ARHGEF28: variants seen among roughly 807,000 people sequenced by gnomAD.
The protein encoded by ARHGEF28 is 190 kDa guanine nucleotide exchange factor.
ARHGEF28 carries 152 observed loss-of-function variants against 206.6 expected under a neutral mutation model. The observed-to-expected ratio is 0.74, with a 90% CI of 0.64 to 0.84. The LOEUF is 0.84. ARHGEF28 is among the 40% of genes least tolerant of loss of function. ARHGEF28 has a pLI of 0.00. For synonymous variants in ARHGEF28, 763 were observed against 776.4 expected, an observed-to-expected ratio of 0.98 and a Z score of 0.29; for missense variants, 2,028 against 2,073.2, an observed-to-expected ratio of 0.98 and a Z score of 0.42.
intron 33 of ARHGEF28, 99 bp downstream of exon 33, chr5:73,904,504 T>G: frequency 7.8e-7 from 1 of 1,274,398 alleles, no homozygotes. Flanking sequence ...AAGTGAGAGG[T>G]AGGGAATGAT....
At chr5:73,681,676 A>T (rs1046412568) in intron 1 of ARHGEF28, among the ~76,000 whole-genome samples, 4 of 152,024 alleles carry the variant, frequency 2.6e-5, no homozygotes, top group Non-Finnish European at 5.9e-5. Flanking sequence ...TTAGCTGGGC[A>T]TGGTGGTGCA....
intron 18 of ARHGEF28, among the ~76,000 whole-genome samples, chr5:73,867,388 T>C (rs2112631343): frequency 6.6e-6 from 1 of 152,362 alleles, no homozygotes; most frequent in African/African-American, 2.4e-5. Context: ...CCAGCTTGGC[T>C]TGCAGGCTTC....
In ARHGEF28 at chr5:73,858,149, A is replaced by T. The variant is rs781531037; in HGVS notation, c.1977A>T (p.Thr659=). Residue 659 remains threonine (T), a synonymous_variant, in exon 16 of 36, where the codon ACA becomes ACT. Coordinates refer to ENST00000513042, the MANE Select transcript of ARHGEF28 (RefSeq NM_001177693.2). ...KLNRHQFAPG[T]FSGVLQCLVC... ...ATCGACATCAGTTTGCCCCAGGAAC[A>T]TTCTCTGGGGTTCTGCAGTGTTTGG... is the stretch of plus-strand genomic sequence containing the variant. 1.2e-6 allele frequency: 2 copies of T among 1,612,504 alleles called. No homozygotes were observed. Among genetic ancestry groups the T allele is most frequent in the South Asian group, 1.1e-5 (1 of 90,778 alleles).
rs1342463697 is a variant in ARHGEF28, at chr5:73,864,864, T to C, written c.2095T>C (p.Cys699Arg). 4 of 1,613,276 alleles carry C rather than the reference T, an allele frequency of 2.5e-6. No individual in the cohort carries two copies. The highest frequency in any genetic ancestry group is 1.1e-5 in the South Asian group (1 of 90,986). Residue 699 changes from cysteine (C) to arginine (R), a missense_variant, in exon 17 of 36, where the codon TGC (cysteine) becomes CGC (arginine). Around this residue, in one of 3 missense-constraint regions of ARHGEF28, gnomAD observed 1,002 missense variants for 1,015.3 expected, o/e 0.99. Coordinates refer to ENST00000513042, the MANE Select transcript of ARHGEF28 (RefSeq NM_001177693.2). ...AGGTTGTAAAGATGCTGCGCCTGCATGCACCAAGGTAATTGCTCAGTGATC... is the reference window on the plus strand; with the variant it reads ...AGGTTGTAAAGATGCTGCGCCTGCACGCACCAAGGTAATTGCTCAGTGATC... ...HKGCKDAAPACTKKFQEKYNK... is the reference protein window; with the variant it reads ...HKGCKDAAPARTKKFQEKYNK...
intron 2 of ARHGEF28, among the ~76,000 whole-genome samples, chr5:73,713,642 T>G (rs1561351626): frequency 6.6e-6 from 1 of 152,164 alleles, no homozygotes. Flanking sequence ...AGAAACATGT[T>G]TTTTTGGTGG....
At position 73,740,431 on chromosome 5, in the gene ARHGEF28, T is replaced by C. The variant is rs904455295; in HGVS notation, c.34-9406T>C. 2.0e-5 allele frequency among the ~76,000 whole-genome samples: 3 copies of C among 152,196 alleles called. No individual in the cohort carries two copies. In the East Asian group the frequency reaches 5.8e-4, roughly 29 times the overall value. On this transcript the variant is annotated intron_variant, in intron 2 of 35. Coordinates refer to ENST00000513042, the MANE Select transcript of ARHGEF28 (RefSeq NM_001177693.2). ...ACACACCATCTCTTAGTAGTGCTTG[T>C]TCCTCCTAAGCTGAAGCAATCCTTG...
intron 9 of ARHGEF28, among the ~76,000 whole-genome samples, chr5:73,817,435 T>C (rs1442178452): frequency 1.3e-5 from 2 of 152,224 alleles, no homozygotes; most frequent in Non-Finnish European, 2.9e-5. Flanking sequence ...TTTACATCTA[T>C]GATATCTGAG....
At position 73,857,726 on chromosome 5, in the gene ARHGEF28, C is replaced by T. The variant is rs747747644; in HGVS notation, c.1861C>T (p.Arg621Ter). ...KSESEKYKVS[R>*]TFSFLMNRMT... ...AGAGTCTGAAAAATATAAAGTGAGT[C>T]GAACTTTCAGTTTCCTCATGAATAG... The change falls in exon 15 of 36, where the codon CGA becomes TGA. Residue 621 changes from arginine (R) to a stop codon, truncating the protein, a stop_gained. Coordinates refer to ENST00000513042, the MANE Select transcript of ARHGEF28 (RefSeq NM_001177693.2). LOFTEE classifies it high-confidence loss of function. The T allele has an allele frequency of 5.0e-6, 8 of 1,612,408 alleles. No individual in the cohort carries two copies. The highest frequency in any genetic ancestry group is 2.7e-5 in the African/African-American group (2 of 74,964).
intron 9 of ARHGEF28, among the ~76,000 whole-genome samples, chr5:73,806,777 G>A (rs2931446): frequency 0.58 from 56,724 of 97,958 alleles, 18,921 homozygotes; most frequent in East Asian, 0.68. Flanking sequence ...ATCTATATGT[G>A]CCATATATAT....
At position 73,742,364 on chromosome 5, in the gene ARHGEF28, T is replaced by C. The variant is rs116929150; in HGVS notation, c.34-7473T>C. Among the ~76,000 whole-genome samples, 7 of 152,254 alleles carry C rather than the reference T, an allele frequency of 4.6e-5. No homozygotes were observed. The East Asian group carries it at 1.4e-3, about 29-fold the overall frequency. ...ATAGCTATTTGCTCTCTGTTTGGCA[T>C]GCATGTTTTATTTTTATGTTTTTTG... On this transcript the variant is annotated intron_variant, in intron 2 of 35. Coordinates refer to ENST00000513042, the MANE Select transcript of ARHGEF28 (RefSeq NM_001177693.2).
At chr5:73,636,266 A>G (rs1225139097) in intron 1 of ARHGEF28, among the ~76,000 whole-genome samples, 2 of 152,238 alleles carry the variant, frequency 1.3e-5, no homozygotes, top group Non-Finnish European at 2.9e-5. Context: ...AGAAAGTCCC[A>G]AATTAACTTT....
chr5:73,636,967 C>T (rs1743756098), intron 1 of ARHGEF28, among the ~76,000 whole-genome samples: 1 of 152,136 alleles, frequency 6.6e-6, no homozygotes, highest in Admixed American at 6.5e-5. Flanking sequence ...GATGGTGCTT[C>T]AGTGTTGCAT....
intron 2 of ARHGEF28, among the ~76,000 whole-genome samples, chr5:73,702,684 C>T (rs1276495840): frequency 6.6e-6 from 1 of 152,284 alleles, no homozygotes; most frequent in Non-Finnish European, 1.5e-5. Flanking sequence ...ATTTTCTCCC[C>T]GTTTTTGCCA....
intron 1 of ARHGEF28, among the ~76,000 whole-genome samples, chr5:73,648,648 C>T (rs1274079238): frequency 1.3e-5 from 2 of 152,240 alleles, no homozygotes; most frequent in Non-Finnish European, 2.9e-5. Context: ...CATGCCTGGC[C>T]TTGCATCATT....
chr5:73,864,880 C>T lies in ARHGEF28; in HGVS notation c.2103+8C>T, dbSNP rs774117899. On this transcript the variant is annotated splice_region_variant and intron_variant, in intron 17 of 35. Coordinates refer to ENST00000513042, the MANE Select transcript of ARHGEF28 (RefSeq NM_001177693.2). ...GCGCCTGCATGCACCAAGGTAATTG[C>T]TCAGTGATCTGTGAATATATATGTG... 1.2e-6 allele frequency: 2 copies of T among 1,612,294 alleles called. No individual in the cohort carries two copies. Among genetic ancestry groups the T allele is most frequent in the East Asian group, 4.5e-5 (2 of 44,856 alleles).
At chr5:73,792,479 T>C (rs1437983495) in intron 7 of ARHGEF28, among the ~76,000 whole-genome samples, 1 of 152,218 alleles carries the variant, frequency 6.6e-6, no homozygotes, top group Non-Finnish European at 1.5e-5. Flanking sequence ...ATGCTGTATG[T>C]ACAGAATTCT....
rs552080708 is a variant in ARHGEF28 at position 73,748,624 on chromosome 5, C to T, written c.34-1213C>T. ...TAGGCTTTTATCTGTTCACTTTCTCCTCTATCATAGGGTAAGGATATCTTG... is the reference window on the plus strand; with the variant it reads ...TAGGCTTTTATCTGTTCACTTTCTCTTCTATCATAGGGTAAGGATATCTTG... On this transcript the variant is annotated intron_variant, in intron 2 of 35. Coordinates refer to ENST00000513042, the MANE Select transcript of ARHGEF28 (RefSeq NM_001177693.2). Among the ~76,000 whole-genome samples the T allele has an allele frequency of 2.0e-5, 3 of 152,190 alleles. No homozygotes were observed. The South Asian group carries it at 6.2e-4, about 32-fold the overall frequency.
intron 9 of ARHGEF28, among the ~76,000 whole-genome samples, chr5:73,812,395 T>A (rs1327815083): frequency 6.6e-6 from 1 of 152,240 alleles, no homozygotes; most frequent in Non-Finnish European, 1.5e-5. Context: ...ATGTTTCCAA[T>A]GTCGTTTAGT....
At chr5:73,642,121 G>A (rs898128785) in intron 1 of ARHGEF28, among the ~76,000 whole-genome samples, 15 of 152,176 alleles carry the variant, frequency 9.9e-5, no homozygotes, top group African/African-American at 3.4e-4. Context: ...TTGTCCGCCT[G>A]TGAAAAAGAC....
Sources: allele counts gnomAD v4.1 joint callset (sites outside exome capture counted in the v4.1 genomes callset), GRCh38; gene constraint gnomAD v4.1.1; regional missense constraint gnomAD v4.1.1; transcripts MANE v1.5; gene names NCBI Gene and HGNC (gene_info 2026-07-23, HGNC 2026-07-21).